CTDSP2: variants seen among roughly 807,000 people sequenced by gnomAD.
CTDSP2 encodes CTD small phosphatase 2.
CTDSP2 carries 9 observed loss-of-function variants against 31.6 expected under a neutral mutation model. The ratio of observed to expected loss-of-function variants is 0.28; its 90% CI spans 0.17 to 0.50. CTDSP2 has a LOEUF of 0.50. CTDSP2 is among the 20% of genes least tolerant of loss of function. CTDSP2 has a pLI of 0.98. For synonymous variants in CTDSP2, 134 were observed against 134.5 expected (o/e 1.00, Z 0.03); for missense variants, 267 against 348.5 (o/e 0.77, Z 1.86).
At chr12:57,828,396 G>A (rs1956195975) in intron 2 of CTDSP2, among the ~76,000 whole-genome samples, 2 of 147,144 alleles carry the variant, frequency 1.4e-5, no homozygotes, top group Middle Eastern at 3.5e-3. Flanking sequence ...ACTCCAGCCT[G>A]AGCAACAAGA....
chr12:57,832,649 G>C (rs574519537), intron 1 of CTDSP2, among the ~76,000 whole-genome samples: 3 of 151,638 alleles, frequency 2.0e-5, no homozygotes, highest in African/African-American at 7.3e-5. Context: ...AAAAGTAGCC[G>C]GGCGTAGTGG....
At chr12:57,825,001 G>A (rs1254498463) in intron 5 of CTDSP2, among the ~76,000 whole-genome samples, 1 of 151,764 alleles carries the variant, frequency 6.6e-6, no homozygotes, top group East Asian at 1.9e-4. Flanking sequence ...TTTCCAAAAA[G>A]GTCCTTTTTC....
At position 57,835,312 on chromosome 12, in the gene CTDSP2, G is replaced by A. The variant is rs544464028; in HGVS notation, c.65-5716C>T. 7.3e-5 allele frequency among the ~76,000 whole-genome samples: 11 copies of A among 150,568 alleles called. No homozygotes were observed. In the South Asian group the frequency reaches 1.3e-3, roughly 17 times the overall value. Reference sequence around the variant, plus strand: ...CATTGCACTCCAGCCTGGGCAACAAGAGCGAAAATCCGTCTCAAAAAAAAA... The same window carrying A: ...CATTGCACTCCAGCCTGGGCAACAAAAGCGAAAATCCGTCTCAAAAAAAAA... On this transcript the variant is annotated intron_variant, in intron 1 of 7. Coordinates refer to ENST00000398073, the MANE Select transcript of CTDSP2 (RefSeq NM_005730.4).
intron 5 of CTDSP2, chr12:57,824,653 G>C: frequency 1.8e-6 from 1 of 554,598 alleles, no homozygotes; most frequent in South Asian, 1.4e-5. Context: ...CTCACAGATG[G>C]AAACAGCCTA....
At chr12:57,829,296 A>G in intron 2 of CTDSP2, 152 bp downstream of exon 2, 1 of 859,780 alleles carries the variant, frequency 1.2e-6, no homozygotes, top group Non-Finnish European at 1.8e-6. Context: ...AAGGAAATAC[A>G]CTACTTATGG....
intron 1 of CTDSP2, among the ~76,000 whole-genome samples, chr12:57,846,154 C>T (rs1956314464): frequency 6.6e-6 from 1 of 152,306 alleles, no homozygotes; most frequent in African/African-American, 2.4e-5. Flanking sequence ...ACAGCTGCGC[C>T]GAAGACGCCC....
At chr12:57,842,258 G>A (rs1027984508) in intron 1 of CTDSP2, 6 of 152,166 alleles carry the variant, frequency 3.9e-5, no homozygotes, top group Non-Finnish European at 7.3e-5. Flanking sequence ...ATTCTTCACA[G>A]GTTGGGAGCA....
At chr12:57,836,669 C>A (rs1471372141) in intron 1 of CTDSP2, among the ~76,000 whole-genome samples, 1 of 151,860 alleles carries the variant, frequency 6.6e-6, no homozygotes, top group African/African-American at 2.4e-5. Flanking sequence ...CATGTACAAA[C>A]ACGTGAACAC....
At chr12:57,839,081 T>C (rs998342833) in intron 1 of CTDSP2, among the ~76,000 whole-genome samples, 14 of 152,162 alleles carry the variant, frequency 9.2e-5, no homozygotes, top group African/African-American at 3.4e-4. Flanking sequence ...AACCAGTTCC[T>C]CCTTCATATG....
At chr12:57,824,367 T>C (rs1236002425) in intron 5 of CTDSP2, 48 bp from the exon 6 acceptor site, 4 of 1,369,188 alleles carry the variant, frequency 2.9e-6, no homozygotes, top group Non-Finnish European at 4.2e-6. Context: ...GTGATGAAGG[T>C]TTGCAGTACT....
intron 5 of CTDSP2, among the ~76,000 whole-genome samples, chr12:57,825,441 T>G (rs1595187064): frequency 6.6e-6 from 1 of 152,210 alleles, no homozygotes; most frequent in East Asian, 1.9e-4. Context: ...TAAAAATTAT[T>G]CATACCCTTC....
intron 2 of CTDSP2, among the ~76,000 whole-genome samples, chr12:57,828,048 A>G (rs1353057952): frequency 6.6e-6 from 1 of 152,194 alleles, no homozygotes; most frequent in African/African-American, 2.4e-5. Context: ...CAAGTAAGCC[A>G]CATTGTAGGT....
rs554480763 is a variant in CTDSP2, at chr12:57,823,592, G to A, written c.*10C>T. The A allele has an allele frequency of 1.2e-6, 2 of 1,613,508 alleles. No individual in the cohort carries two copies. Among genetic ancestry groups the A allele is most frequent in the Admixed American group, 3.3e-5 (2 of 60,006 alleles). ...CTACTGGGATGGCCGTCGCTTGGAA[G>A]CAGGGCAGGCTAAGGGGCCCGCAGC... is the stretch of plus-strand genomic sequence containing the variant. On this transcript the variant is annotated 3_prime_UTR_variant, in exon 8 of 8. Transcript: ENST00000398073.
chr12:57,821,865 A>C lies in CTDSP2; in HGVS notation c.*1737T>G, dbSNP rs1222212049. ...TGGGACAAGAAGGGAAGGTGGCACC[A>C]CAACGCTAGAGAAAAATGCCAGCCA... On this transcript the variant is annotated 3_prime_UTR_variant, in exon 8 of 8. Coordinates refer to ENST00000398073, the MANE Select transcript of CTDSP2 (RefSeq NM_005730.4). 1 of 152,270 alleles carries C rather than the reference A, an allele frequency of 6.6e-6. No homozygotes were observed. Among genetic ancestry groups the C allele is most frequent in the African/African-American group, 2.4e-5 (1 of 41,448 alleles). The allele number at this position is 152,270 out of a possible 1,614,324, so 9.4% of individuals were successfully genotyped here. A position where few individuals can be genotyped will look rare whatever the true frequency, so the allele number is the denominator to read the frequency against.
intron 1 of CTDSP2, 53 bp from the exon 2 acceptor site, chr12:57,829,649 C>T (rs1956203503): frequency 1.3e-6 from 2 of 1,513,682 alleles, no homozygotes; most frequent in East Asian, 4.5e-5. Flanking sequence ...CAGTTTCTGT[C>T]CACAGATACT....
In CTDSP2 at chr12:57,844,486, C is replaced by A. The variant is rs964106003; in HGVS notation, c.64+1886G>T. ...CACACTCCCTGCAAGAGAGTCCCTG[C>A]AAGAGAGGAAGACCTAGTGGGGAAG... is the stretch of plus-strand genomic sequence containing the variant. On this transcript the variant is annotated intron_variant, in intron 1 of 7. Coordinates refer to ENST00000398073, the MANE Select transcript of CTDSP2 (RefSeq NM_005730.4). Among the ~76,000 whole-genome samples the A allele has an allele frequency of 3.9e-5, 6 of 152,166 alleles. 1 individual carries two copies. Among genetic ancestry groups the A allele is most frequent in the Admixed American group, 1.3e-4 (2 of 15,288 alleles).
At chr12:57,838,729 T>C (rs1016015796) in intron 1 of CTDSP2, among the ~76,000 whole-genome samples, 3 of 152,230 alleles carry the variant, frequency 2.0e-5, no homozygotes, top group Non-Finnish European at 4.4e-5. Flanking sequence ...AGTTCGAATC[T>C]AGGCTCTGCC....
chr12:57,846,001 C>G (rs1221491285), intron 1 of CTDSP2, among the ~76,000 whole-genome samples: 1 of 152,208 alleles, frequency 6.6e-6, no homozygotes, highest in Non-Finnish European at 1.5e-5. Context: ...TCCCCGCGAT[C>G]CCGGGGCAGC....
At chr12:57,826,451 G>GGTGGCAA in intron 4 of CTDSP2, 49 bp from the exon 5 acceptor site, 1 of 1,583,090 alleles carries the variant, frequency 6.3e-7, no homozygotes, top group Non-Finnish European at 8.7e-7. Flanking sequence ...AAAGAAACAT[G>GGTGGCAA]AGGCCCCCAC....
Sources: allele counts gnomAD v4.1 joint callset (sites outside exome capture counted in the v4.1 genomes callset), GRCh38; gene constraint gnomAD v4.1.1; transcripts MANE v1.5; gene names NCBI Gene and HGNC (gene_info 2026-07-23, HGNC 2026-07-21).